SENP7: variants seen among roughly 807,000 people sequenced by gnomAD.
SENP7 encodes the protein SUMO specific peptidase 7.
In SENP7, 64 loss-of-function variants were observed where a neutral mutation model predicts 141.2. The observed-to-expected ratio is 0.45, with a 90% CI of 0.37 to 0.56. The LOEUF is 0.56. Ranked by LOEUF, SENP7 falls within the 20% of genes least tolerant of loss-of-function variation. The probability of loss-of-function intolerance (pLI) is 0.00; values close to 1 mark genes in which losing one functional copy is unlikely to be tolerated. For synonymous variants in SENP7, 382 were observed against 426.4 expected (o/e 0.90, Z 1.28); for missense variants, 1,025 against 1,212.2 (o/e 0.85, Z 2.29).
Position 101,395,594 on chromosome 3 carries a change from A to G in SENP7, c.677+3267T>C, listed in dbSNP as rs573771327. Among the ~76,000 whole-genome samples the G allele has an allele frequency of 3.3e-5, 5 of 152,350 alleles. 1 individual carries two copies. The highest frequency in any genetic ancestry group is 1.2e-4 in the African/African-American group (5 of 41,596). On this transcript the variant is annotated intron_variant, in intron 6 of 23. Coordinates refer to ENST00000394095, the MANE Select transcript of SENP7 (RefSeq NM_020654.5). ...GCCTCCAGTTTTATTCTTTTCACTC[A>G]GGACTGCTTTGGCTATTTGGGCTCT...
chr3:101,424,105 C>T (rs1417387793), intron 4 of SENP7, among the ~76,000 whole-genome samples: 1 of 152,154 alleles, frequency 6.6e-6, no homozygotes, highest in Non-Finnish European at 1.5e-5. Context: ...CAAGGCCAGT[C>T]TGACCTGACC....
At chr3:101,363,561 C>A (rs2059956229) in intron 10 of SENP7, among the ~76,000 whole-genome samples, 1 of 152,112 alleles carries the variant, frequency 6.6e-6, no homozygotes, top group African/African-American at 2.4e-5. Flanking sequence ...TTATACCCTG[C>A]CAAGACCTAA....
intron 11 of SENP7, among the ~76,000 whole-genome samples, chr3:101,359,530 T>C (rs576790374): frequency 5.9e-5 from 9 of 151,998 alleles, no homozygotes; most frequent in African/African-American, 2.2e-4. Flanking sequence ...ACAATTAATT[T>C]TTAGGACCAC....
chr3:101,396,696 T>C (rs1210030579), intron 6 of SENP7, among the ~76,000 whole-genome samples: 1 of 152,144 alleles, frequency 6.6e-6, no homozygotes, highest in African/African-American at 2.4e-5. Flanking sequence ...GAGCAAAAAA[T>C]TTAGTATACA....
chr3:101,467,970 G>A (rs187713694), intron 3 of SENP7, among the ~76,000 whole-genome samples: 1 of 152,246 alleles, frequency 6.6e-6, no homozygotes, highest in Admixed American at 6.5e-5. Context: ...AAAAACATTA[G>A]ACAAATGGCT....
chr3:101,462,871 A>C (rs937110463), intron 3 of SENP7, among the ~76,000 whole-genome samples: 1 of 152,140 alleles, frequency 6.6e-6, no homozygotes, highest in African/African-American at 2.4e-5. Context: ...CTGTCTAAAA[A>C]AAAAAAGAAG....
At chr3:101,458,476 C>T (rs1472941698) in intron 4 of SENP7, 1 of 152,242 alleles carries the variant, frequency 6.6e-6, no homozygotes, top group Non-Finnish European at 1.5e-5. Flanking sequence ...TTCCCCTATA[C>T]AAATAATTTA....
chr3:101,441,404 G>A lies in SENP7; in HGVS notation c.284+17551C>T, dbSNP rs1356010394. The stretch of plus-strand genomic sequence containing the variant: ...GGCACTGTCCCAGGAAGAAAGAACA[G>A]GCCCACCCAATCTGCTGCCACCAGG... On this transcript the variant is annotated intron_variant, in intron 4 of 23. Coordinates refer to ENST00000394095, the MANE Select transcript of SENP7 (RefSeq NM_020654.5). Among the ~76,000 whole-genome samples, 5 of 152,008 alleles carry A rather than the reference G, an allele frequency of 3.3e-5. No homozygotes were observed. The East Asian group carries it at 7.7e-4, about 23-fold the overall frequency.
At chr3:101,479,892 C>CCA (rs2064381275) in intron 3 of SENP7, among the ~76,000 whole-genome samples, 1 of 7,338 alleles carries the variant, frequency 1.4e-4, no homozygotes, top group African/African-American at 6.1e-4. Context: ...ACAACAGCTA[C>CCA]AAAAAAAAAA....
At chr3:101,411,063 T>C (rs1304730749) in intron 5 of SENP7, among the ~76,000 whole-genome samples, 1 of 152,020 alleles carries the variant, frequency 6.6e-6, no homozygotes, top group Non-Finnish European at 1.5e-5. Flanking sequence ...CTTATAACTA[T>C]AAATCCTTGG....
chr3:101,503,744 G>A (rs1416635771), intron 1 of SENP7, among the ~76,000 whole-genome samples: 1 of 152,100 alleles, frequency 6.6e-6, no homozygotes, highest in Non-Finnish European at 1.5e-5. Flanking sequence ...TCAGGAGTTT[G>A]AGAACAGCCT....
At chr3:101,444,187 G>T (rs188461340) in intron 4 of SENP7, among the ~76,000 whole-genome samples, 1 of 114,666 alleles carries the variant, frequency 8.7e-6, no homozygotes, top group Admixed American at 1.0e-4. Flanking sequence ...CAAAACCACA[G>T]TGAGATACCA....
In SENP7 at chr3:101,500,990, T is replaced by C. The variant is rs145429214; in HGVS notation, c.90+80A>G. On this transcript the variant is annotated intron_variant, in intron 2 of 23. Transcript: ENST00000394095. ...TTTTATACTGTTTTCTTTAAAATGT[T>C]ATTAAAAAGACAAACAGCAAAATAC... is the stretch of plus-strand genomic sequence containing the variant. The C allele has an allele frequency of 2.5e-4, 244 of 978,370 alleles. 1 individual carries two copies. The African/African-American group carries it at 3.4e-3, about 14-fold the overall frequency. The allele number at this position is 978,370 out of a possible 1,614,324, so 60.6% of individuals were successfully genotyped here.
At chr3:101,449,439 G>A (rs2063032178) in intron 4 of SENP7, among the ~76,000 whole-genome samples, 1 of 152,158 alleles carries the variant, frequency 6.6e-6, no homozygotes, top group Admixed American at 6.5e-5. Context: ...AAGTTGAAAT[G>A]AAAGAAAAAA....
chr3:101,476,121 T>C (rs936454985), intron 3 of SENP7, among the ~76,000 whole-genome samples: 1 of 152,178 alleles, frequency 6.6e-6, no homozygotes, highest in Non-Finnish European at 1.5e-5. Flanking sequence ...ATTATTATTC[T>C]TTAAGTTCTG....
chr3:101,393,467 T>C (rs2060875276), intron 6 of SENP7, among the ~76,000 whole-genome samples: 1 of 152,162 alleles, frequency 6.6e-6, no homozygotes, highest in Non-Finnish European at 1.5e-5. Flanking sequence ...ATCTAAAATA[T>C]GTAAGGAAAC....
At chr3:101,440,011 G>T (rs1576356294) in intron 4 of SENP7, among the ~76,000 whole-genome samples, 1 of 80,676 alleles carries the variant, frequency 1.2e-5, no homozygotes, top group Non-Finnish European at 2.9e-5. Flanking sequence ...CCTCTGCCCG[G>T]CCGCCCCTAC....
intron 3 of SENP7, among the ~76,000 whole-genome samples, chr3:101,476,873 G>C (rs980352810): frequency 1.1e-4 from 16 of 152,096 alleles, no homozygotes; most frequent in Admixed American, 3.9e-4. Context: ...TTTTTTTCAT[G>C]TTTGTTGGCC....
At chr3:101,388,552 T>C (rs2060723584) in intron 6 of SENP7, among the ~76,000 whole-genome samples, 1 of 152,158 alleles carries the variant, frequency 6.6e-6, no homozygotes, top group South Asian at 2.1e-4. Flanking sequence ...TTCAACCAGA[T>C]GTGCAGATAT....
Sources: allele counts gnomAD v4.1 joint callset (sites outside exome capture counted in the v4.1 genomes callset), GRCh38; gene constraint gnomAD v4.1.1; transcripts MANE v1.5; gene names NCBI Gene and HGNC (gene_info 2026-07-23, HGNC 2026-07-21).